Variants in MSRB3 observed in about 807,000 individuals in gnomAD.
MSRB3 encodes the protein methionine sulfoxide reductase B3, also known as methionine-R-sulfoxide reductase B3.
Under a neutral mutation model 21.0 loss-of-function variants are expected in MSRB3, and 13 were observed. The ratio of observed to expected loss-of-function variants is 0.62; its 90% CI spans 0.40 to 0.98. MSRB3 has a LOEUF of 0.98. MSRB3 is among the 50% of genes least tolerant of loss of function. The pLI, the probability that MSRB3 is intolerant of heterozygous loss-of-function variation, is 0.00. For missense variants in MSRB3, 199 were observed against 230.3 expected (o/e 0.86, Z 0.88); for synonymous variants, 87 against 88.6 (o/e 0.98, Z 0.10).
chr12:65,307,291 A>T (rs540913336), intron 1 of MSRB3, among the ~76,000 whole-genome samples: 21 of 152,260 alleles, frequency 1.4e-4, no homozygotes, highest in African/African-American at 4.3e-4. Flanking sequence ...GTAACACAAA[A>T]ATGTTTTAGT....
At chr12:65,345,117 A>C (rs545100331) in intron 4 of MSRB3, among the ~76,000 whole-genome samples, 61 of 152,182 alleles carry the variant, frequency 4.0e-4, no homozygotes, top group African/African-American at 1.4e-3. Context: ...CTATTCCTAA[A>C]GATTAATTTG....
At chr12:65,432,110 A>G (rs1292992815) in intron 5 of MSRB3, among the ~76,000 whole-genome samples, 1 of 152,038 alleles carries the variant, frequency 6.6e-6, no homozygotes, top group Non-Finnish European at 1.5e-5. Context: ...AAACTTTTAA[A>G]TCAATAAAAG....
At chr12:65,351,366 A>G (rs1465537356) in intron 4 of MSRB3, among the ~76,000 whole-genome samples, 6 of 145,750 alleles carry the variant, frequency 4.1e-5, no homozygotes, top group African/African-American at 1.4e-4. Context: ...AGCAGGAAAG[A>G]TCCAAAATTG....
At chr12:65,433,603 C>T (rs77631718) in intron 5 of MSRB3, among the ~76,000 whole-genome samples, 3,493 of 151,928 alleles carry the variant, frequency 0.023, 154 homozygotes, top group African/African-American at 0.081. Flanking sequence ...TTTCATCACC[C>T]TCCTGCTTCA....
chr12:65,344,200 T>C (rs1262169419), intron 4 of MSRB3: 1 of 152,078 alleles, frequency 6.6e-6, no homozygotes, highest in African/African-American at 2.4e-5. Context: ...AAGGGAGGCA[T>C]GCTGCTTGTT....
At chr12:65,453,649 T>G in intron 5 of MSRB3, 79 bp from the exon 6 acceptor site, 1 of 1,032,890 alleles carries the variant, frequency 9.7e-7, no homozygotes, top group Non-Finnish European at 1.5e-6. Context: ...ATTTGCTTAG[T>G]ATTTCTTTAA....
intron 4 of MSRB3, among the ~76,000 whole-genome samples, chr12:65,350,421 A>C (rs1347532206): frequency 6.6e-6 from 1 of 151,892 alleles, no homozygotes; most frequent in East Asian, 1.9e-4. Context: ...CAAAATCACC[A>C]GCTAACATCA....
At position 65,354,037 on chromosome 12, in the gene MSRB3, A is replaced by C. The variant is rs866355406; in HGVS notation, c.264-14961A>C. Among the ~76,000 whole-genome samples, 4 of 151,930 alleles carry C rather than the reference A, an allele frequency of 2.6e-5. No homozygotes were observed. The South Asian group carries it at 8.3e-4, about 31-fold the overall frequency. On this transcript the variant is annotated intron_variant, in intron 4 of 6. Coordinates refer to ENST00000308259, the MANE Select transcript of MSRB3 (RefSeq NM_001031679.3). Reference sequence around the variant, plus strand: ...TGGGTTGAAAATTCTTTTCTTTAGGAATGTTGAATATTGGCCCCCACTCTC... The same window carrying C: ...TGGGTTGAAAATTCTTTTCTTTAGGCATGTTGAATATTGGCCCCCACTCTC...
At chr12:65,347,538 C>A (rs1045665614) in intron 4 of MSRB3, among the ~76,000 whole-genome samples, 18 of 152,262 alleles carry the variant, frequency 1.2e-4, no homozygotes, top group South Asian at 6.2e-4. Flanking sequence ...CAAACAGGGA[C>A]AATTTGACTT....
chr12:65,403,834 C>T (rs1259214497), intron 5 of MSRB3, among the ~76,000 whole-genome samples: 1 of 152,166 alleles, frequency 6.6e-6, no homozygotes, highest in Non-Finnish European at 1.5e-5. Flanking sequence ...CGCAGTCCCT[C>T]ATGGCTTCCC....
intron 5 of MSRB3, among the ~76,000 whole-genome samples, chr12:65,397,710 C>T (rs1879889501): frequency 6.6e-6 from 1 of 152,074 alleles, no homozygotes; most frequent in South Asian, 2.1e-4. Context: ...CTGCACCCAT[C>T]AACCCATTAT....
At chr12:65,354,035 G>A (rs1467824226) in intron 4 of MSRB3, among the ~76,000 whole-genome samples, 8 of 151,718 alleles carry the variant, frequency 5.3e-5, no homozygotes, top group Non-Finnish European at 7.4e-5. Context: ...CTTTTCTTTA[G>A]GAATGTTGAA....
intron 5 of MSRB3, among the ~76,000 whole-genome samples, chr12:65,430,511 T>A (rs1881825644): frequency 6.6e-6 from 1 of 152,136 alleles, no homozygotes; most frequent in Non-Finnish European, 1.5e-5. Flanking sequence ...GAATTGGAAT[T>A]AAGTTAAAAA....
At chr12:65,389,598 T>G (rs10506525) in intron 5 of MSRB3, among the ~76,000 whole-genome samples, 348 of 152,086 alleles carry the variant, frequency 2.3e-3, no homozygotes, top group African/African-American at 8.0e-3. Context: ...AATCAACAAC[T>G]GAGTGTCTTC....
intron 5 of MSRB3, among the ~76,000 whole-genome samples, chr12:65,385,136 A>G (rs893902116): frequency 6.6e-6 from 1 of 152,178 alleles, no homozygotes; most frequent in African/African-American, 2.4e-5. Flanking sequence ...GTCTAAAGAT[A>G]CCATTCATCT....
intron 3 of MSRB3, 120 bp from the exon 4 acceptor site, chr12:65,328,406 G>A (rs1875194997): frequency 1.4e-6 from 1 of 715,062 alleles, no homozygotes; most frequent in Admixed American, 2.2e-5. Context: ...TGTTTGGTTT[G>A]TTTTCATTCT....
intron 5 of MSRB3, among the ~76,000 whole-genome samples, chr12:65,416,032 G>T (rs1219634753): frequency 6.6e-6 from 1 of 152,172 alleles, no homozygotes; most frequent in East Asian, 1.9e-4. Context: ...CAGGGAGGTG[G>T]ACAAAGTTCA....
At chr12:65,287,511 G>A (rs1051410916) in intron 1 of MSRB3, among the ~76,000 whole-genome samples, 3 of 152,138 alleles carry the variant, frequency 2.0e-5, no homozygotes, top group Non-Finnish European at 4.4e-5. Flanking sequence ...GCCTATTATA[G>A]GTGAATACTT....
At chr12:65,289,656 C>T (rs1370897543) in intron 1 of MSRB3, among the ~76,000 whole-genome samples, 1 of 151,884 alleles carries the variant, frequency 6.6e-6, no homozygotes, top group Non-Finnish European at 1.5e-5. Context: ...ATTTTGTCAC[C>T]CAGGTAATCA....
Sources: gnomAD v4.1 joint callset for allele counts (sites outside exome capture counted in the v4.1 genomes callset) on GRCh38, gnomAD v4.1.1 for gene constraint, MANE v1.5 for transcripts, NCBI Gene and HGNC (gene_info 2026-07-23, HGNC 2026-07-21) for gene names.